FAM193A: variants seen among roughly 807,000 people sequenced by gnomAD.
The protein encoded by FAM193A is family with sequence similarity 193 member A, also known as protein FAM193A.
A neutral mutation model predicts 126.5 loss-of-function variants in FAM193A; 22 were observed. The observed-to-expected ratio is 0.17, with a 90% confidence interval of 0.12 to 0.25. FAM193A has a LOEUF of 0.25. Ranked by LOEUF, FAM193A falls within the 10% of genes least tolerant of loss-of-function variation. The probability of loss-of-function intolerance (pLI) is 1.00; values close to 1 mark genes in which losing one functional copy is unlikely to be tolerated. For missense variants in FAM193A, 1,675 were observed against 1,672.8 expected (o/e 1.00, Z -0.02); for synonymous variants, 761 against 646.8 (o/e 1.18, Z -2.68).
At chr4:2,664,803 T>G (rs1712921128) in intron 12 of FAM193A, among the ~76,000 whole-genome samples, 1 of 152,124 alleles carries the variant, frequency 6.6e-6, no homozygotes, top group Admixed American at 6.6e-5. Flanking sequence ...GACCTTGTGA[T>G]CCGCCCGTGT....
intron 1 of FAM193A, among the ~76,000 whole-genome samples, chr4:2,581,045 C>T (rs979493238): frequency 2.7e-4 from 41 of 151,616 alleles, no homozygotes; most frequent in Non-Finnish European, 5.3e-4. Flanking sequence ...AGGAGAATGG[C>T]GTGAACCCGG....
At chr4:2,573,834 G>A (rs1289609424) in intron 1 of FAM193A, among the ~76,000 whole-genome samples, 4 of 152,136 alleles carry the variant, frequency 2.6e-5, no homozygotes, top group Admixed American at 6.6e-5. Context: ...ACTTGAACAA[G>A]GCCTGAGGGA....
At chr4:2,553,337 C>T (rs186581043) in intron 1 of FAM193A, among the ~76,000 whole-genome samples, 12 of 151,954 alleles carry the variant, frequency 7.9e-5, no homozygotes, top group African/African-American at 2.7e-4. Flanking sequence ...TAGCAAGATC[C>T]CGTCTCTAAA....
At chr4:2,557,743 G>T (rs1233160067) in intron 1 of FAM193A, among the ~76,000 whole-genome samples, 1 of 151,660 alleles carries the variant, frequency 6.6e-6, no homozygotes, top group Non-Finnish European at 1.5e-5. Context: ...ATGAGGTCAG[G>T]AGATCAAGAC....
chr4:2,539,651 C>T (rs1382357958), intron 1 of FAM193A, among the ~76,000 whole-genome samples: 2 of 151,994 alleles, frequency 1.3e-5, no homozygotes, highest in African/African-American at 4.8e-5. Context: ...AAGTGATCCT[C>T]CCATCTCTGC....
At chr4:2,619,988 G>T (rs1349002754) in intron 2 of FAM193A, among the ~76,000 whole-genome samples, 2 of 152,180 alleles carry the variant, frequency 1.3e-5, no homozygotes, top group Non-Finnish European at 2.9e-5. Context: ...ACTGCACCTG[G>T]CCTGGGGGAT....
At chr4:2,694,036 G>A (rs1385815973) in intron 16 of FAM193A, among the ~76,000 whole-genome samples, 162 bp downstream of exon 16, 4 of 152,208 alleles carry the variant, frequency 2.6e-5, no homozygotes, top group Admixed American at 1.3e-4. Flanking sequence ...TGGGTAGAGG[G>A]GGGCTCCCAT....
At chr4:2,723,047 G>A (rs1720332329) in intron 20 of FAM193A, among the ~76,000 whole-genome samples, 1 of 152,186 alleles carries the variant, frequency 6.6e-6, no homozygotes, top group African/African-American at 2.4e-5. Context: ...GCCAAGGCAG[G>A]AGGATCACGA....
chr4:2,624,403 C>A (rs953679584), intron 2 of FAM193A, among the ~76,000 whole-genome samples: 4 of 152,238 alleles, frequency 2.6e-5, no homozygotes, highest in African/African-American at 4.8e-5. Flanking sequence ...CTCGGCCTCC[C>A]AAAGTGCTGG....
chr4:2,707,402 A>G lies in FAM193A; in HGVS notation c.4372+6858A>G, dbSNP rs1405965887. Among the ~76,000 whole-genome samples, 5 of 152,246 alleles carry G rather than the reference A, an allele frequency of 3.3e-5. No individual in the cohort carries two copies. The East Asian group carries it at 7.7e-4, about 23-fold the overall frequency. On this transcript the variant is annotated intron_variant, in intron 19 of 20. Coordinates refer to ENST00000637812, the MANE Select transcript of FAM193A (RefSeq NM_001366318.2). Reference sequence around the variant, plus strand: ...CCACCATTATATTTTATAATTCTGAACTATCCAATACAGTAGCCATTAGTT... The same window carrying G: ...CCACCATTATATTTTATAATTCTGAGCTATCCAATACAGTAGCCATTAGTT...
intron 12 of FAM193A, among the ~76,000 whole-genome samples, 194 bp from the exon 13 acceptor site, chr4:2,671,927 T>C (rs2109160624): frequency 6.6e-6 from 1 of 152,334 alleles, no homozygotes; most frequent in Middle Eastern, 3.4e-3. Context: ...TTCTTCTCTG[T>C]GCGTCTTCTT....
chr4:2,640,740 G>A (rs1366222748), intron 6 of FAM193A, among the ~76,000 whole-genome samples: 2 of 152,084 alleles, frequency 1.3e-5, no homozygotes, highest in Admixed American at 6.5e-5. Flanking sequence ...TTAAGCAGGC[G>A]GATCACCTGA....
At chr4:2,667,288 G>A (rs745809834) in intron 12 of FAM193A, among the ~76,000 whole-genome samples, 2 of 152,076 alleles carry the variant, frequency 1.3e-5, no homozygotes, top group African/African-American at 2.4e-5. Flanking sequence ...AGTCCTTATC[G>A]CCTAATACCA....
In FAM193A at chr4:2,708,079, C is replaced by G. The variant is rs1325098685; in HGVS notation, c.4372+7535C>G. Reference sequence around the variant, plus strand: ...ATTGTATTTCTATTGGATAGTGCTGCCCTAACTGGTTATTTATTTGTGTAT... The same window carrying G: ...ATTGTATTTCTATTGGATAGTGCTGGCCTAACTGGTTATTTATTTGTGTAT... On this transcript the variant is annotated intron_variant, in intron 19 of 20. Transcript: ENST00000637812. 9 of 427,994 alleles carry G rather than the reference C, an allele frequency of 2.1e-5. No individual in the cohort carries two copies. The Admixed American group carries it at 2.2e-4, about 10-fold the overall frequency. The allele number at this position is 427,994 out of a possible 1,614,324, so 26.5% of individuals were successfully genotyped here. A position where few individuals can be genotyped will look rare whatever the true frequency, so the allele number is the denominator to read the frequency against.
At position 2,710,787 on chromosome 4, in the gene FAM193A, G is replaced by A. The variant is rs1028705885; in HGVS notation, c.4373-5236G>A. ...CCCAAAGTGCTAGGATTACAGGCAT[G>A]AACCACCGTGCCCAGCCTACCTTGT... is the stretch of plus-strand genomic sequence containing the variant. On this transcript the variant is annotated intron_variant, in intron 19 of 20. Coordinates refer to ENST00000637812, the MANE Select transcript of FAM193A (RefSeq NM_001366318.2). Among the ~76,000 whole-genome samples, 10 of 151,366 alleles carry A rather than the reference G, an allele frequency of 6.6e-5. No individual in the cohort carries two copies. The East Asian group carries it at 1.8e-3, about 27-fold the overall frequency.
intron 15 of FAM193A, 107 bp from the exon 16 acceptor site, chr4:2,693,479 C>T: frequency 9.6e-7 from 1 of 1,042,786 alleles, no homozygotes; most frequent in South Asian, 1.5e-5. Flanking sequence ...GAAGATGAAG[C>T]AAGGTGAAGG....
rs372390552 is a variant in FAM193A, at chr4:2,713,519, C to G, written c.4373-2504C>G. Among the ~76,000 whole-genome samples, 23 of 152,262 alleles carry G rather than the reference C, an allele frequency of 1.5e-4. No homozygotes were observed. In the South Asian group the frequency reaches 4.8e-3, roughly 32 times the overall value. On this transcript the variant is annotated intron_variant, in intron 19 of 20. Transcript: ENST00000637812. ...TGGGCCTGGGTTCCCTGTGTACCCC[C>G]TCGTGGCCTGCTGTGTTGGCATTAG...
chr4:2,566,939 T>C (rs962447647), intron 1 of FAM193A, among the ~76,000 whole-genome samples: 3 of 143,946 alleles, frequency 2.1e-5, no homozygotes, highest in Admixed American at 2.0e-4. Context: ...TGAATTTCTT[T>C]TTCTTTTTTT....
At chr4:2,715,897 C>G in intron 19 of FAM193A, 126 bp from the exon 20 acceptor site, 1 of 706,340 alleles carries the variant, frequency 1.4e-6, no homozygotes, top group Non-Finnish European at 2.6e-6. Flanking sequence ...TCTAAAATCT[C>G]ATTTTAGAAA....
Sources: allele counts gnomAD v4.1 joint callset (sites outside exome capture counted in the v4.1 genomes callset), GRCh38; gene constraint gnomAD v4.1.1; transcripts MANE v1.5; gene names NCBI Gene and HGNC (gene_info 2026-07-23, HGNC 2026-07-21).